Variants in CCDC18 observed in about 807,000 individuals in gnomAD.
CCDC18 encodes the protein coiled-coil domain containing 18.
Under a neutral mutation model 196.0 loss-of-function variants are expected in CCDC18, and 157 were observed. That is an observed-to-expected ratio of 0.80 (90% CI 0.70 to 0.91). The LOEUF (loss-of-function observed/expected upper bound fraction) is 0.91. Ranked by LOEUF, CCDC18 falls within the 40% of genes least tolerant of loss-of-function variation. The pLI, the probability that CCDC18 is intolerant of heterozygous loss-of-function variation, is 0.00. For missense variants in CCDC18, 1,465 were observed against 1,611.6 expected (o/e 0.91, Z 1.56); for synonymous variants, 482 against 529.2 (o/e 0.91, Z 1.22).
chr1:93,270,618 C>T lies in CCDC18; in HGVS notation c.4157C>T (p.Pro1386Leu), dbSNP rs2101538617. Reference protein sequence around the residue: ...QDLKKMQLEQPSTLEESHKNL... With the variant: ...QDLKKMQLEQLSTLEESHKNL... Reference sequence around the variant, plus strand: ...TTAAAGAAAATGCAATTAGAACAGCCTTCAACATTAGAAGAAAGCCATAAG... The same window carrying T: ...TTAAAGAAAATGCAATTAGAACAGCTTTCAACATTAGAAGAAAGCCATAAG... The change falls in exon 28 of 29, where the codon CCT (proline) becomes CTT (leucine). Residue 1386 changes from proline to leucine, a missense_variant. By Grantham distance (98) the Pro-to-Leu change is moderately conservative (BLOSUM62 -3). Transcript: ENST00000690025. The T allele has an allele frequency of 6.5e-7, 1 of 1,550,360 alleles. No homozygotes were observed. Among genetic ancestry groups the T allele is most frequent in the Admixed American group, 2.0e-5 (1 of 50,998 alleles).
chr1:93,209,121 G>C (rs994802784), intron 9 of CCDC18, among the ~76,000 whole-genome samples: 1 of 152,116 alleles, frequency 6.6e-6, no homozygotes, highest in African/African-American at 2.4e-5. Flanking sequence ...ACCATGCCCA[G>C]CTAATTTTGT....
At chr1:93,257,248 A>AC (rs1340852374) in intron 25 of CCDC18, among the ~76,000 whole-genome samples, 15 of 145,028 alleles carry the variant, frequency 1.0e-4, no homozygotes, top group Non-Finnish European at 1.8e-4. Flanking sequence ...AAAAAAAAAA[A>AC]AAAAAAAAAA....
chr1:93,271,995 T>C lies in CCDC18; in HGVS notation c.4353+1181T>C, dbSNP rs546999771. On this transcript the variant is annotated intron_variant, in intron 28 of 28. Transcript: ENST00000690025. ...ATGTTCCACAATATAGGATTTAATCTGTAGTTTGAGAATGGAAATAATCTC... is the reference window on the plus strand; with the variant it reads ...ATGTTCCACAATATAGGATTTAATCCGTAGTTTGAGAATGGAAATAATCTC... Among the ~76,000 whole-genome samples, 343 of 152,340 alleles carry C rather than the reference T, an allele frequency of 2.3e-3. 1 individual carries two copies. The highest frequency in any genetic ancestry group is 5.6e-3 in the South Asian group (27 of 4,832).
chr1:93,276,786 G>C (rs964643100), intron 28 of CCDC18, among the ~76,000 whole-genome samples: 12 of 151,978 alleles, frequency 7.9e-5, no homozygotes, highest in Non-Finnish European at 1.5e-4. Context: ...TAATTGTGTA[G>C]GGGTGGGTTG....
chr1:93,191,531 T>C (rs1651803705), intron 4 of CCDC18, among the ~76,000 whole-genome samples: 1 of 152,356 alleles, frequency 6.6e-6, no homozygotes, highest in East Asian at 1.9e-4. Context: ...GTTCCCACCC[T>C]GCTATAGTAG....
intron 5 of CCDC18, among the ~76,000 whole-genome samples, chr1:93,192,897 T>C (rs1652068396): frequency 6.6e-6 from 1 of 152,236 alleles, no homozygotes; most frequent in Admixed American, 6.5e-5. Flanking sequence ...TTCTCAGGTC[T>C]TATCTCTGGC....
At chr1:93,180,004 G>C (rs377329443), upstream of CCDC18, 2 of 1,555,054 alleles carry the variant, frequency 1.3e-6, no homozygotes, top group African/African-American at 2.8e-5. Flanking sequence ...AGGCGACAAC[G>C]CAGTGCAGCT....
Position 93,183,698 on chromosome 1 carries a change from G to A in CCDC18, c.134+203G>A, listed in dbSNP as rs376704897. Among the ~76,000 whole-genome samples, 51 of 152,136 alleles carry A rather than the reference G, an allele frequency of 3.4e-4. No individual in the cohort carries two copies. In the South Asian group the frequency reaches 3.5e-3, roughly 11 times the overall value. ...TTTGCATATTAAAAACACTTTCAGT[G>A]TATTAGAACTCAGTATAAAATATAT... On this transcript the variant is annotated intron_variant, in intron 2 of 28. Coordinates refer to ENST00000690025, the MANE Select transcript of CCDC18 (RefSeq NM_001378204.1).
At position 93,210,929 on chromosome 1, in the gene CCDC18, A is replaced by G; in HGVS notation, c.1334+3A>G. 1.9e-6 allele frequency: 3 copies of G among 1,613,338 alleles called. No homozygotes were observed. Among genetic ancestry groups the G allele is most frequent in the Non-Finnish European group, 1.7e-6 (2 of 1,179,568 alleles). Reference sequence around the variant, plus strand: ...AAATTGGTGATTTCGGAATTGAGGTACAATTTTCAGATTCTGCAGTTATAG... The same window carrying G: ...AAATTGGTGATTTCGGAATTGAGGTGCAATTTTCAGATTCTGCAGTTATAG... On this transcript the variant is annotated splice_donor_region_variant and intron_variant, in intron 10 of 28. Coordinates refer to ENST00000690025, the MANE Select transcript of CCDC18 (RefSeq NM_001378204.1).
At chr1:93,193,581 T>A in intron 5 of CCDC18, 35 bp from the exon 6 acceptor site, 2 of 1,454,816 alleles carry the variant, frequency 1.4e-6, no homozygotes, top group Non-Finnish European at 1.9e-6. Context: ...ATAATCTCTT[T>A]AGTAGTCTTA....
chr1:93,266,509 G>C (rs1664531291), intron 27 of CCDC18, among the ~76,000 whole-genome samples: 1 of 152,098 alleles, frequency 6.6e-6, no homozygotes, highest in Non-Finnish European at 1.5e-5. Flanking sequence ...CCAGGAGCTG[G>C]TTTTTAGAAA....
In CCDC18 at chr1:93,217,862, T is replaced by C. The variant is rs747787141; in HGVS notation, c.1955T>C (p.Ile652Thr). The C allele has an allele frequency of 6.8e-6, 11 of 1,609,426 alleles. 1 individual carries two copies. The South Asian group carries it at 9.9e-5, about 14-fold the overall frequency. The change falls in exon 14 of 29, where the codon ATT (isoleucine) becomes ACT (threonine). Residue 652 changes from isoleucine to threonine, a missense_variant. By Grantham distance (89) the Ile-to-Thr change is moderately conservative (BLOSUM62 -1). Coordinates refer to ENST00000690025, the MANE Select transcript of CCDC18 (RefSeq NM_001378204.1). Reference protein sequence around the residue: ...LEQHKEMEKQIERLEAQLEKK... With the variant: ...LEQHKEMEKQTERLEAQLEKK... Reference sequence around the variant, plus strand: ...CAGCATAAAGAAATGGAAAAGCAGATTGAAAGAGTAAGTAATACATATTTA... The same window carrying C: ...CAGCATAAAGAAATGGAAAAGCAGACTGAAAGAGTAAGTAATACATATTTA...
chr1:93,214,704 A>C, intron 11 of CCDC18, 39 bp from the exon 12 acceptor site: 1 of 1,405,270 alleles, frequency 7.1e-7, no homozygotes, highest in Non-Finnish European at 9.9e-7. Context: ...TTTATTCTTG[A>C]AGTCCTATTC....
chr1:93,181,071 C>CT (rs1649546761), intron 1 of CCDC18, among the ~76,000 whole-genome samples: 1 of 149,146 alleles, frequency 6.7e-6, no homozygotes, highest in African/African-American at 2.5e-5. Context: ...TACCTCAGCA[C>CT]TTTGGGATGT....
Position 93,184,105 on chromosome 1 carries a change from T to C in CCDC18, c.262T>C (p.Ser88Pro), listed in dbSNP as rs1258445945. Residue 88 changes from serine to proline, a missense_variant, in exon 3 of 29, where the codon TCT becomes CCT. Coordinates refer to ENST00000690025, the MANE Select transcript of CCDC18 (RefSeq NM_001378204.1). ...YSPYENVCKI[S>P]GSSTDFQKKP... ...ACCTTATGAAAACGTCTGTAAAATA[T>C]CTGGTAGCAGCACTGATTTTCAAAA... The C allele has an allele frequency of 3.2e-6, 5 of 1,564,420 alleles. No individual in the cohort carries two copies. In the Admixed American group the frequency reaches 6.9e-5, roughly 22 times the overall value.
At chr1:93,253,147 A>AAG (rs1662488204) in intron 23 of CCDC18, among the ~76,000 whole-genome samples, 1 of 152,216 alleles carries the variant, frequency 6.6e-6, no homozygotes, top group Admixed American at 6.5e-5. Flanking sequence ...AGGGGCACAC[A>AAG]TAGCCCAGCA....
At chr1:93,189,592 C>T (rs920582831) in intron 4 of CCDC18, among the ~76,000 whole-genome samples, 2 of 152,160 alleles carry the variant, frequency 1.3e-5, no homozygotes. Context: ...CCACCAACAG[C>T]GTATGAAGAT....
chr1:93,213,403 TTC>T (rs1265196619), intron 11 of CCDC18, among the ~76,000 whole-genome samples: 6 of 148,936 alleles, frequency 4.0e-5, no homozygotes, highest in Non-Finnish European at 8.9e-5. Context: ...AGGCTTAATT[TTC>T]TCTCTTTTTT....
intron 26 of CCDC18, among the ~76,000 whole-genome samples, chr1:93,261,731 T>C (rs777850182): frequency 1.3e-5 from 2 of 152,136 alleles, no homozygotes; most frequent in African/African-American, 2.4e-5. Context: ...CCATCCCCCA[T>C]ATTCACATAT....
Sources: allele counts gnomAD v4.1 joint callset (sites outside exome capture counted in the v4.1 genomes callset), GRCh38; gene constraint gnomAD v4.1.1; transcripts MANE v1.5; gene names NCBI Gene and HGNC (gene_info 2026-07-23, HGNC 2026-07-21).